Variants in NYAP2 observed in about 807,000 individuals in gnomAD.
The protein encoded by NYAP2 is neuronal tyrosine-phosphorylated phosphoinositide-3-kinase adapter 2.
Under a neutral mutation model 50.4 loss-of-function variants are expected in NYAP2, and 23 were observed. The ratio of observed to expected loss-of-function variants is 0.46; its 90% CI spans 0.33 to 0.65. The LOEUF (loss-of-function observed/expected upper bound fraction) is 0.65. Among genes scored for constraint, NYAP2 ranks in the 30% least tolerant of loss-of-function variants. NYAP2 has a pLI of 0.02. For synonymous variants in NYAP2, 394 were observed against 365.2 expected (o/e 1.08, Z -0.90); for missense variants, 885 against 861.0 (o/e 1.03, Z -0.35).
chr2:225,683,926 G>A, the NYAP2 span, among the ~76,000 whole-genome samples: 2 of 152,036 alleles, frequency 1.3e-5, no homozygotes, highest in Admixed American at 6.6e-5. Context: ...GACAAATTTG[G>A]TTAAAAGGCA....
chr2:225,530,208 C>G lies in NYAP2; in HGVS notation c.523+16536C>G, dbSNP rs1263819515. On this transcript the variant is annotated intron_variant, in intron 4 of 6. Coordinates refer to ENST00000636099, the Ensembl canonical transcript of NYAP2. ...AAATCTTTCTAATGGGTGAATGTAC[C>G]CCAGAGCAGTCTGACAATGAAATTA... is the stretch of plus-strand genomic sequence containing the variant. 2.0e-5 allele frequency among the ~76,000 whole-genome samples: 3 copies of G among 152,040 alleles called. No individual in the cohort carries two copies. In the East Asian group the frequency reaches 5.8e-4, roughly 29 times the overall value.
Position 225,520,554 on chromosome 2 carries a change from C to G in NYAP2, c.523+6882C>G, listed in dbSNP as rs557929238. Among the ~76,000 whole-genome samples the G allele has an allele frequency of 1.1e-3, 173 of 152,176 alleles. 1 individual carries two copies. Among genetic ancestry groups the G allele is most frequent in the Admixed American group, 3.9e-4 (6 of 15,280 alleles). On this transcript the variant is annotated intron_variant, in intron 4 of 6. Coordinates refer to ENST00000636099, the Ensembl canonical transcript of NYAP2. ...AATCCTTTCCCCATTGCTTGTTTTT[C>G]TCAGGTTTGTCAAAGATCAGATAGT...
chr2:225,419,622 A>G (rs1022787602), intron 3 of NYAP2, among the ~76,000 whole-genome samples: 1 of 152,226 alleles, frequency 6.6e-6, no homozygotes. Flanking sequence ...CTGTTAAAAG[A>G]AAGAAAAGAT....
At chr2:225,439,247 A>T (rs987544142) in intron 3 of NYAP2, among the ~76,000 whole-genome samples, 1 of 152,250 alleles carries the variant, frequency 6.6e-6, no homozygotes, top group Non-Finnish European at 1.5e-5. Flanking sequence ...ACAGTTGAAA[A>T]AATAGATCAT....
intron 4 of NYAP2, among the ~76,000 whole-genome samples, chr2:225,517,055 C>G (rs1264388676): frequency 1.3e-5 from 2 of 151,552 alleles, no homozygotes; most frequent in Non-Finnish European, 2.9e-5. Context: ...AAAAATAAAA[C>G]TGTTGAGCAC....
At chr2:225,627,233 A>C (rs1693226682) in intron 6 of NYAP2, 107 bp downstream of exon 6, 4 of 825,198 alleles carry the variant, frequency 4.8e-6, no homozygotes, top group Non-Finnish European at 8.0e-6. Context: ...CTGTCTGCAC[A>C]CAGAGAGGCA....
chr2:225,474,290 A>C (rs986440445), intron 3 of NYAP2, among the ~76,000 whole-genome samples: 50 of 152,078 alleles, frequency 3.3e-4, no homozygotes, highest in African/African-American at 1.0e-3. Context: ...CTTGGCGATG[A>C]GGGCTCTTTT....
chr2:225,403,954 G>T (rs563587804), intron 2 of NYAP2, among the ~76,000 whole-genome samples: 1 of 152,058 alleles, frequency 6.6e-6, no homozygotes, highest in East Asian at 1.9e-4. Context: ...AAAGAGAAAA[G>T]AAATGCTTAA....
intron 6 of NYAP2, among the ~76,000 whole-genome samples, chr2:225,633,878 C>T (rs937696096): frequency 4.6e-5 from 7 of 152,144 alleles, no homozygotes; most frequent in Admixed American, 6.5e-5. Flanking sequence ...GGGTAAGACC[C>T]GAAGACCACA....
At chr2:225,655,959 C>G (rs1176913389), downstream of NYAP2, among the ~76,000 whole-genome samples, 3 of 150,630 alleles carry the variant, frequency 2.0e-5, no homozygotes, top group African/African-American at 4.9e-5. Flanking sequence ...CACACCAACA[C>G]AATCTCACAC....
chr2:225,523,061 C>A (rs545383645), intron 4 of NYAP2, among the ~76,000 whole-genome samples: 1 of 152,178 alleles, frequency 6.6e-6, no homozygotes, highest in East Asian at 1.9e-4. Flanking sequence ...GGGGAACTTA[C>A]AGGTTTCCCA....
Position 225,434,474 on chromosome 2 carries a change from A to T in NYAP2, c.221+25373A>T, listed in dbSNP as rs192492864. Among the ~76,000 whole-genome samples, 62 of 152,306 alleles carry T rather than the reference A, an allele frequency of 4.1e-4. 1 individual carries two copies. Among genetic ancestry groups the T allele is most frequent in the East Asian group, 4.1e-3 (21 of 5,178 alleles). ...TAGAGGCTTGAAAATTAATTCTTTG[A>T]ATTTTCATGAAGAGAGAAGCAGTTT... is the stretch of plus-strand genomic sequence containing the variant. On this transcript the variant is annotated intron_variant, in intron 3 of 6. Coordinates refer to ENST00000636099, the Ensembl canonical transcript of NYAP2.
chr2:225,408,898 G>A, exon 3 of NYAP2: 1 of 1,608,622 alleles, frequency 6.2e-7, no homozygotes, highest in Non-Finnish European at 8.5e-7. Context: ...CCTCCAAGAT[G>A]ATGAGTTCTA....
intron 5 of NYAP2, among the ~76,000 whole-genome samples, chr2:225,611,906 AC>A (rs1255021081): frequency 5.0e-3 from 2 of 400 alleles, no homozygotes; most frequent in Non-Finnish European, 9.8e-3. Flanking sequence ...GTGTATACAC[AC>A]ACACACACAC....
chr2:225,446,760 C>A (rs1689571424), intron 3 of NYAP2, among the ~76,000 whole-genome samples: 1 of 151,964 alleles, frequency 6.6e-6, no homozygotes, highest in African/African-American at 2.4e-5. Flanking sequence ...TAAACAGCAG[C>A]AGGGTGATTA....
At chr2:225,566,034 A>C (rs2106218704) in intron 4 of NYAP2, among the ~76,000 whole-genome samples, 2 of 152,294 alleles carry the variant, frequency 1.3e-5, no homozygotes, top group Middle Eastern at 6.8e-3. Context: ...CACTTGGACA[A>C]GTAATTCAAT....
intron 3 of NYAP2, among the ~76,000 whole-genome samples, chr2:225,450,242 A>G (rs894209030): frequency 6.6e-6 from 1 of 152,200 alleles, no homozygotes; most frequent in Non-Finnish European, 1.5e-5. Flanking sequence ...GGGTAGCCTC[A>G]TGTGGAAAAT....
At chr2:225,584,578 T>G (rs572430696) in intron 5 of NYAP2, among the ~76,000 whole-genome samples, 287 of 152,350 alleles carry the variant, frequency 1.9e-3, no homozygotes, top group Middle Eastern at 3.4e-3. Context: ...ATTCATACAC[T>G]CATACTGAGA....
chr2:225,592,204 C>T (rs750290827), intron 5 of NYAP2, among the ~76,000 whole-genome samples: 1 of 152,144 alleles, frequency 6.6e-6, no homozygotes, highest in African/African-American at 2.4e-5. Context: ...CTGTCAGATA[C>T]GCAGTACTGA....
Sources: gnomAD v4.1 joint callset for allele counts (sites outside exome capture counted in the v4.1 genomes callset) on GRCh38, gnomAD v4.1.1 for gene constraint, MANE v1.5 for transcripts, NCBI Gene and HGNC (gene_info 2026-07-23, HGNC 2026-07-21) for gene names.